The following CADPS variants were observed in gnomAD, a reference collection of about 807,000 sequenced individuals.
The protein encoded by CADPS is calcium-dependent secretion activator 1.
Under a neutral mutation model 167.3 loss-of-function variants are expected in CADPS, and 57 were observed. That is an observed-to-expected ratio of 0.34 (90% confidence interval 0.28 to 0.42). The LOEUF (loss-of-function observed/expected upper bound fraction) is 0.42. Ranked by LOEUF, CADPS falls within the 20% of genes least tolerant of loss-of-function variation. The probability of loss-of-function intolerance (pLI) is 1.00; values close to 1 mark genes in which losing one functional copy is unlikely to be tolerated. For missense variants in CADPS, 1,414 were observed against 1,738.1 expected, an observed-to-expected ratio of 0.81 and a Z score of 3.32; for synonymous variants, 676 against 635.3, an observed-to-expected ratio of 1.06 and a Z score of -0.96.
intron 6 of CADPS, among the ~76,000 whole-genome samples, chr3:62,643,091 AGTAAAGGATATAGGAGAGTCTACAT>A (rs1457152090): frequency 1.1e-4 from 17 of 152,326 alleles, no homozygotes; most frequent in Middle Eastern, 3.4e-3. Flanking sequence ...AAGGAAAATA[AGTAAAGGATATAGGAGAGTCTACAT>A]GTAAAGGATA....
At chr3:62,763,935 C>T (rs1483756256) in intron 2 of CADPS, among the ~76,000 whole-genome samples, 2 of 152,156 alleles carry the variant, frequency 1.3e-5, no homozygotes, top group South Asian at 2.1e-4. Context: ...CAGAGGAAAA[C>T]ATTGGGATCA....
intron 21 of CADPS, among the ~76,000 whole-genome samples, chr3:62,483,266 C>A (rs1292187556): frequency 1.4e-5 from 2 of 145,350 alleles, no homozygotes; most frequent in African/African-American, 5.1e-5. Flanking sequence ...AGGACTCCTG[C>A]AAGAGCTGGA....
In CADPS at chr3:62,874,123, C is replaced by T. The variant is rs1210706505; in HGVS notation, c.441+466G>A. On this transcript the variant is annotated intron_variant, in intron 1 of 29. Coordinates refer to ENST00000383710, the MANE Select transcript of CADPS (RefSeq NM_003716.4). This position sits in a 1 kb window ranked among gnomAD's most constrained non-coding sequence, Gnocchi z 7.1. The stretch of plus-strand genomic sequence containing the variant: ...CCAAGACGCTCTTCTCCCTCCACCT[C>T]GGCGCCCCCACCTGCCGTTGCCCCC... 6.6e-6 allele frequency among the ~76,000 whole-genome samples: 1 copy of T among 152,324 alleles called. No homozygotes were observed. Among genetic ancestry groups the T allele is most frequent in the East Asian group, 1.9e-4 (1 of 5,160 alleles).
intron 3 of CADPS, among the ~76,000 whole-genome samples, chr3:62,741,495 T>C (rs1254028614): frequency 6.6e-6 from 1 of 152,092 alleles, no homozygotes; most frequent in Non-Finnish European, 1.5e-5. Flanking sequence ...ATGTGATTCA[T>C]CACATAAGCA....
intron 1 of CADPS, among the ~76,000 whole-genome samples, chr3:62,825,769 T>C (rs1010482141): frequency 6.6e-6 from 1 of 152,154 alleles, no homozygotes; most frequent in Non-Finnish European, 1.5e-5. Context: ...TTCATAGCCT[T>C]GTCCGAAAGC....
At chr3:62,717,127 C>T (rs571577935) in intron 3 of CADPS, among the ~76,000 whole-genome samples, 103 of 152,304 alleles carry the variant, frequency 6.8e-4, no homozygotes, top group African/African-American at 2.3e-3. Context: ...ATTCACCTCT[C>T]ACTCACTACA....
intron 28 of CADPS, among the ~76,000 whole-genome samples, chr3:62,414,470 G>A (rs972436761): frequency 6.6e-6 from 1 of 152,294 alleles, no homozygotes; most frequent in African/African-American, 2.4e-5. Context: ...TAACTCCTAC[G>A]TGGAACAGTT....
In CADPS at chr3:62,422,899, AG is replaced by A. The variant is rs577705122; in HGVS notation, c.3777+15204del. Among the ~76,000 whole-genome samples, 365 of 152,342 alleles carry A rather than the reference AG, an allele frequency of 2.4e-3. 3 individuals carry two copies. Among genetic ancestry groups the A allele is most frequent in the African/African-American group, 8.3e-3 (347 of 41,578 alleles). On this transcript the variant is annotated intron_variant, in intron 28 of 29. Coordinates refer to ENST00000383710, the MANE Select transcript of CADPS (RefSeq NM_003716.4). Reference sequence around the variant, plus strand: ...ATACCACTGTGTCAAGCTTTGCTTAAGGAACTTAAGCTGCTACCCTAAACCA... The same window carrying A: ...ATACCACTGTGTCAAGCTTTGCTTAAGAACTTAAGCTGCTACCCTAAACCA...
chr3:62,408,663 G>A (rs2048360565), intron 28 of CADPS, among the ~76,000 whole-genome samples: 1 of 152,186 alleles, frequency 6.6e-6, no homozygotes, highest in Non-Finnish European at 1.5e-5. Context: ...ATTTACATGA[G>A]TCTTAATTCC....
At chr3:62,747,958 G>C (rs2081841847) in intron 3 of CADPS, among the ~76,000 whole-genome samples, 3 of 151,992 alleles carry the variant, frequency 2.0e-5, no homozygotes. Context: ...GACATCCTTA[G>C]CTCATATTCA....
chr3:62,550,164 C>T (rs778327087), intron 10 of CADPS, 49 bp from the exon 11 acceptor site: 25 of 1,445,352 alleles, frequency 1.7e-5, no homozygotes, highest in Non-Finnish European at 2.1e-5. Context: ...CTGTGATGTT[C>T]TCAACTGGAC....
intron 1 of CADPS, among the ~76,000 whole-genome samples, chr3:62,800,289 CATT>C (rs2093683613): frequency 6.6e-6 from 1 of 151,976 alleles, no homozygotes; most frequent in Non-Finnish European, 1.5e-5. Flanking sequence ...TAGTCATCAT[CATT>C]ATCACCATCA....
chr3:62,410,336 G>C (rs146913926), intron 28 of CADPS, among the ~76,000 whole-genome samples: 4 of 152,196 alleles, frequency 2.6e-5, no homozygotes, highest in African/African-American at 9.7e-5. Flanking sequence ...GCATGTTCAA[G>C]CCATCTATAT....
chr3:62,680,443 A>T (rs1442762295), intron 3 of CADPS, among the ~76,000 whole-genome samples: 1 of 152,024 alleles, frequency 6.6e-6, no homozygotes, highest in Non-Finnish European at 1.5e-5. Flanking sequence ...TTAGGCCTGA[A>T]ACCTCAGCAT....
At chr3:62,627,579 G>A (rs1435064553) in intron 6 of CADPS, among the ~76,000 whole-genome samples, 1 of 152,048 alleles carries the variant, frequency 6.6e-6, no homozygotes, top group African/African-American at 2.4e-5. Context: ...AGGATAATCT[G>A]AGAATCTTTA....
At chr3:62,839,112 T>G (rs2076288198) in intron 1 of CADPS, among the ~76,000 whole-genome samples, 1 of 152,206 alleles carries the variant, frequency 6.6e-6, no homozygotes, top group African/African-American at 2.4e-5. Flanking sequence ...CTTATTCAGT[T>G]GTGGGGATGA....
At chr3:62,535,240 T>C (rs996064478) in intron 12 of CADPS, among the ~76,000 whole-genome samples, 1 of 150,742 alleles carries the variant, frequency 6.6e-6, no homozygotes, top group Admixed American at 6.6e-5. Context: ...CTTTTTCTTT[T>C]TTTTTTTTTA....
intron 26 of CADPS, among the ~76,000 whole-genome samples, chr3:62,454,475 C>A (rs2058448375): frequency 6.6e-6 from 1 of 151,988 alleles, no homozygotes; most frequent in Non-Finnish European, 1.5e-5. Context: ...GATTTGAACC[C>A]TAATGGGTGG....
At chr3:62,801,162 T>C (rs1320506146) in intron 1 of CADPS, among the ~76,000 whole-genome samples, 1 of 152,166 alleles carries the variant, frequency 6.6e-6, no homozygotes, top group East Asian at 1.9e-4. Context: ...TAACAGATAG[T>C]GCTTCAAGAA....
Sources: gnomAD v4.1 joint callset for allele counts (sites outside exome capture counted in the v4.1 genomes callset) on GRCh38, gnomAD v4.1.1 for gene constraint, Gnocchi (gnomAD v3.1) non-coding constraint, MANE v1.5 for transcripts, NCBI Gene and HGNC (gene_info 2026-07-23, HGNC 2026-07-21) for gene names.